LRP1B: variants seen among roughly 807,000 people sequenced by gnomAD.
The protein encoded by LRP1B is low-density lipoprotein receptor-related protein 1B.
In LRP1B, 217 loss-of-function variants were observed where a neutral mutation model predicts 556.6. The observed-to-expected ratio is 0.39, with a 90% CI of 0.35 to 0.44. The LOEUF is 0.44. LRP1B is among the 20% of genes least tolerant of loss of function. The pLI is 1.00. For synonymous variants in LRP1B, 2,047 were observed against 1,865.8 expected (o/e 1.10, Z -2.50); for missense variants, 5,053 against 5,620.8 (o/e 0.90, Z 3.23).
At chr2:142,080,310 G>C (rs1461308295) in intron 1 of LRP1B, among the ~76,000 whole-genome samples, 2 of 152,102 alleles carry the variant, frequency 1.3e-5, no homozygotes, top group Non-Finnish European at 2.9e-5. Flanking sequence ...GTTAAAGTGT[G>C]TTTGGGAACA....
chr2:141,383,033 A>T (rs937581864), intron 3 of LRP1B, among the ~76,000 whole-genome samples: 2 of 152,200 alleles, frequency 1.3e-5, no homozygotes, highest in Admixed American at 6.5e-5. Flanking sequence ...AATAGCAAGA[A>T]AACAATCTGA....
chr2:140,614,979 A>G (rs1342342198), intron 41 of LRP1B, among the ~76,000 whole-genome samples: 1 of 152,120 alleles, frequency 6.6e-6, no homozygotes, highest in Non-Finnish European at 1.5e-5. Flanking sequence ...TTTAGTTTGT[A>G]GTTTAACCTT....
intron 19 of LRP1B, among the ~76,000 whole-genome samples, chr2:140,951,081 A>G (rs1695700618): frequency 6.6e-6 from 1 of 152,172 alleles, no homozygotes. Flanking sequence ...ATTTCATGAA[A>G]TGATACAACC....
At chr2:140,864,313 G>GAATA (rs752372741) in intron 27 of LRP1B, among the ~76,000 whole-genome samples, 2 of 151,866 alleles carry the variant, frequency 1.3e-5, no homozygotes, top group Non-Finnish European at 2.9e-5. Context: ...AATGATTAAT[G>GAATA]AATAAATAAA....
In LRP1B at chr2:141,892,961, C is replaced by T. The variant is rs114729694; in HGVS notation, c.83-82560G>A. ...AGCTATAGGTTTTCTGGTTCATTTG[C>T]TTTAGTGATTGGAAGAAATGTTTTA... On this transcript the variant is annotated intron_variant, in intron 1 of 90. Transcript: ENST00000389484. Among the ~76,000 whole-genome samples the T allele has an allele frequency of 3.1e-3, 475 of 152,066 alleles. 2 individuals are homozygous for T. The highest frequency in any genetic ancestry group is 0.011 in the African/African-American group (453 of 41,496).
chr2:141,049,019 C>T lies in LRP1B; in HGVS notation c.1756G>A (p.Asp586Asn), dbSNP rs1698960155. 2 of 1,613,312 alleles carry T rather than the reference C, an allele frequency of 1.2e-6. No homozygotes were observed. The highest frequency in any genetic ancestry group is 3.3e-5 in the Admixed American group (2 of 59,916). ...AGGATGGTTTCTCTCTCTGTGCCAT[C>T]TATCTTCTGCCGGCCAATTAGGAAA... ...TSFLIGRQKIDGTERETILKD... is the reference protein window; with the variant it reads ...TSFLIGRQKINGTERETILKD... Residue 586 changes from aspartate (D) to asparagine (N), a missense_variant, in exon 11 of 91, where the codon GAT (aspartate) becomes AAT (asparagine). By Grantham distance (23) the Asp-to-Asn change is conservative. This residue lies in a region of LRP1B where 3,619 missense variants were observed against 3,931.9 expected (regional missense o/e 0.92). Coordinates refer to ENST00000389484, the MANE Select transcript of LRP1B (RefSeq NM_018557.3).
chr2:141,244,668 T>C (rs1261072680), intron 5 of LRP1B, among the ~76,000 whole-genome samples: 1 of 152,206 alleles, frequency 6.6e-6, no homozygotes, highest in African/African-American at 2.4e-5. Context: ...AAGTATCCTC[T>C]GGTTCACTTC....
At chr2:142,090,417 C>G (rs914519577) in intron 1 of LRP1B, among the ~76,000 whole-genome samples, 2 of 152,076 alleles carry the variant, frequency 1.3e-5, no homozygotes, top group Non-Finnish European at 2.9e-5. Context: ...GCAATACTCT[C>G]TCTTCTCTAT....
At chr2:141,077,369 T>C (rs1699814504) in intron 7 of LRP1B, among the ~76,000 whole-genome samples, 2 of 152,210 alleles carry the variant, frequency 1.3e-5, no homozygotes, top group African/African-American at 4.8e-5. Flanking sequence ...AGAAAACAGA[T>C]TGTTTCGATC....
chr2:141,786,713 G>C (rs1315378343), intron 2 of LRP1B, among the ~76,000 whole-genome samples: 3 of 151,830 alleles, frequency 2.0e-5, no homozygotes, highest in Non-Finnish European at 4.4e-5. Context: ...TCCTTGTCTT[G>C]TTCTTGATCA....
chr2:140,774,337 T>C lies in LRP1B; in HGVS notation c.5500+1761A>G, dbSNP rs944639963. ...TCACAGAGCATAGAACACCCAATTA[T>C]ACCTATAGAATCAAATCTTTAAAAG... is the stretch of plus-strand genomic sequence containing the variant. On this transcript the variant is annotated intron_variant, in intron 33 of 90. Coordinates refer to ENST00000389484, the MANE Select transcript of LRP1B (RefSeq NM_018557.3). Among the ~76,000 whole-genome samples, 9 of 152,260 alleles carry C rather than the reference T, an allele frequency of 5.9e-5. No homozygotes were observed. In the East Asian group the frequency reaches 1.7e-3, roughly 29 times the overall value.
chr2:140,627,691 A>G (rs1223883127), intron 41 of LRP1B, among the ~76,000 whole-genome samples: 2 of 152,166 alleles, frequency 1.3e-5, no homozygotes, highest in Non-Finnish European at 2.9e-5. Flanking sequence ...TATTAGTCCT[A>G]TCCCTCTAGA....
intron 3 of LRP1B, among the ~76,000 whole-genome samples, chr2:141,430,206 C>A (rs1050537106): frequency 1.5e-4 from 22 of 151,540 alleles, no homozygotes; most frequent in Admixed American, 1.2e-3. Flanking sequence ...GTCACTGGAA[C>A]TGTGACATCT....
At chr2:140,786,213 G>A (rs546018274) in intron 32 of LRP1B, among the ~76,000 whole-genome samples, 47 of 152,268 alleles carry the variant, frequency 3.1e-4, no homozygotes, top group Non-Finnish European at 5.1e-4. Context: ...TGTGTTCCAG[G>A]AATATTGAAT....
intron 2 of LRP1B, among the ~76,000 whole-genome samples, chr2:141,527,930 G>A (rs58302741): frequency 0.033 from 4,943 of 151,884 alleles, 278 homozygotes; most frequent in African/African-American, 0.11. Flanking sequence ...TATATAATAC[G>A]CCTCCTACAT....
intron 41 of LRP1B, among the ~76,000 whole-genome samples, chr2:140,675,096 C>G (rs1384204947): frequency 6.6e-6 from 1 of 152,188 alleles, no homozygotes; most frequent in African/African-American, 2.4e-5. Context: ...TTTCTCACTG[C>G]CTTTTGACTC....
chr2:141,480,159 T>TTGTGTGTGTG lies in LRP1B; in HGVS notation c.343+227_343+236dup, dbSNP rs5834837. Among the ~76,000 whole-genome samples, 158 of 149,968 alleles carry TTGTGTGTGTG rather than the reference T, an allele frequency of 1.1e-3. 2 individuals carry two copies. The highest frequency in any genetic ancestry group is 3.4e-3 in the African/African-American group (138 of 40,818). On this transcript the variant is annotated intron_variant, in intron 3 of 90. Coordinates refer to ENST00000389484, the MANE Select transcript of LRP1B (RefSeq NM_018557.3). ...AAGAGCCCAACTTCAAAGTCTAAAT[T>TTGTGTGTGTG]TGTGTGTGTGTGTGTGTGTGTGTGT... is the stretch of plus-strand genomic sequence containing the variant.
chr2:141,533,418 A>G (rs764856537), intron 2 of LRP1B, among the ~76,000 whole-genome samples: 2 of 152,158 alleles, frequency 1.3e-5, no homozygotes, highest in Non-Finnish European at 2.9e-5. Context: ...TTTTCATGAG[A>G]ACTAAATGTG....
intron 2 of LRP1B, among the ~76,000 whole-genome samples, chr2:141,796,469 A>C (rs1695814948): frequency 6.6e-6 from 1 of 151,852 alleles, no homozygotes; most frequent in South Asian, 2.1e-4. Context: ...TTTGGATGCT[A>C]TTATAGGCAG....
Sources: allele counts gnomAD v4.1 joint callset (sites outside exome capture counted in the v4.1 genomes callset), GRCh38; gene constraint gnomAD v4.1.1; regional missense constraint gnomAD v4.1.1; transcripts MANE v1.5; gene names NCBI Gene and HGNC (gene_info 2026-07-23, HGNC 2026-07-21).